The following UNC79 variants were observed in gnomAD, a reference collection of about 807,000 sequenced individuals.
UNC79 encodes unc-79 subunit of NALCN channel complex.
Under a neutral mutation model 283.1 loss-of-function variants are expected in UNC79, and 37 were observed. The ratio of observed to expected loss-of-function variants is 0.13; its 90% CI spans 0.10 to 0.17. The LOEUF (loss-of-function observed/expected upper bound fraction) is 0.17. Ranked by LOEUF, UNC79 falls within the 10% of genes least tolerant of loss-of-function variation. The pLI is 1.00. For synonymous variants in UNC79, 1,107 were observed against 1,200.2 expected, an observed-to-expected ratio of 0.92 and a Z score of 1.61; for missense variants, 2,272 against 3,211.1, an observed-to-expected ratio of 0.71 and a Z score of 7.07.
At chr14:93,686,885 C>T (rs780151638) in intron 43 of UNC79, among the ~76,000 whole-genome samples, 4 of 152,194 alleles carry the variant, frequency 2.6e-5, no homozygotes, top group Non-Finnish European at 4.4e-5. Flanking sequence ...CATAGCTTTA[C>T]TTTTGCCATA....
At chr14:93,579,375 G>T (rs149932541) in intron 18 of UNC79, among the ~76,000 whole-genome samples, 4 of 152,266 alleles carry the variant, frequency 2.6e-5, no homozygotes, top group Admixed American at 6.5e-5. Flanking sequence ...ATCAATGGAT[G>T]ACTCATCAAT....
At chr14:93,630,843 A>G (rs2067972919) in exon 31 of UNC79, 2 of 1,613,940 alleles carry the variant, frequency 1.2e-6, no homozygotes, top group South Asian at 2.2e-5. Flanking sequence ...ATGCCACGAG[A>G]ATCTTCATCT....
At chr14:93,557,622 T>A (rs1237077364) in intron 14 of UNC79, among the ~76,000 whole-genome samples, 1 of 151,930 alleles carries the variant, frequency 6.6e-6, no homozygotes, top group African/African-American at 2.4e-5. Context: ...ACCTAAACAT[T>A]TCCGCCCTCT....
intron 1 of UNC79, among the ~76,000 whole-genome samples, chr14:93,465,000 T>G (rs2057111197): frequency 6.6e-6 from 1 of 152,262 alleles, no homozygotes; most frequent in Non-Finnish European, 1.5e-5. Context: ...TGCTAAGATT[T>G]TGTTGCATTC....
chr14:93,590,162 C>T (rs1266349352), intron 22 of UNC79, among the ~76,000 whole-genome samples: 6 of 152,168 alleles, frequency 3.9e-5, no homozygotes, highest in African/African-American at 1.4e-4. Flanking sequence ...CCCGCTCTAT[C>T]CAGTAGGAAC....
At chr14:93,703,396 G>A (rs180737704) in intron 47 of UNC79, among the ~76,000 whole-genome samples, 1 of 152,296 alleles carries the variant, frequency 6.6e-6, no homozygotes, top group African/African-American at 2.4e-5. Flanking sequence ...AGCTTCTGGT[G>A]GTTTGCTGGG....
chr14:93,619,957 A>C (rs1229860164), intron 29 of UNC79, among the ~76,000 whole-genome samples: 7 of 152,238 alleles, frequency 4.6e-5, no homozygotes, highest in Non-Finnish European at 7.3e-5. Flanking sequence ...AAAAGGACGA[A>C]AGAAGAAAAT....
chr14:93,499,779 G>A (rs1164201570), intron 7 of UNC79, among the ~76,000 whole-genome samples: 1 of 152,060 alleles, frequency 6.6e-6, no homozygotes, highest in Non-Finnish European at 1.5e-5. Context: ...ATGTGGGCAA[G>A]TTTGGGAAGG....
At chr14:93,354,990 A>G (rs1253356360) in intron 1 of UNC79, among the ~76,000 whole-genome samples, 1 of 151,802 alleles carries the variant, frequency 6.6e-6, no homozygotes, top group Non-Finnish European at 1.5e-5. Flanking sequence ...AGAGATAGAC[A>G]TGGAAGCCAT....
chr14:93,669,812 G>A (rs1457859913), intron 40 of UNC79, among the ~76,000 whole-genome samples: 8 of 152,108 alleles, frequency 5.3e-5, no homozygotes, highest in African/African-American at 1.9e-4. Flanking sequence ...TTGTGCCCCC[G>A]ACACTAAACA....
chr14:93,684,866 T>C (rs1183653291), intron 42 of UNC79, among the ~76,000 whole-genome samples: 1 of 152,238 alleles, frequency 6.6e-6, no homozygotes, highest in Non-Finnish European at 1.5e-5. Flanking sequence ...GTTTTGAATA[T>C]TTTCAACTTT....
At chr14:93,670,832 A>G (rs2072770429) in intron 40 of UNC79, among the ~76,000 whole-genome samples, 1 of 152,234 alleles carries the variant, frequency 6.6e-6, no homozygotes, top group Admixed American at 6.5e-5. Flanking sequence ...CCATCAGTCA[A>G]CTTATTAGCA....
At chr14:93,632,916 A>G (rs1198911306) in intron 31 of UNC79, among the ~76,000 whole-genome samples, 4 of 152,000 alleles carry the variant, frequency 2.6e-5, no homozygotes, top group Admixed American at 6.6e-5. Context: ...CATGCATTCT[A>G]TAGCTCTTGG....
chr14:93,424,862 A>G (rs58105296), intron 1 of UNC79, among the ~76,000 whole-genome samples: 1 of 152,340 alleles, frequency 6.6e-6, no homozygotes, highest in East Asian at 1.9e-4. Flanking sequence ...AACAAGGAAT[A>G]TAATTGGATT....
rs549825195 is a variant in UNC79 at position 93,464,365 on chromosome 14, T to C, written c.23-3306T>C. The stretch of plus-strand genomic sequence containing the variant: ...TGCAGATGGCTGCCTTCTCTCTCTG[T>C]CCTCACGTGGCCTTTCCTCTGTGTT... On this transcript the variant is annotated intron_variant, in intron 1 of 48. Transcript: ENST00000555664. Among the ~76,000 whole-genome samples, 20 of 152,330 alleles carry C rather than the reference T, an allele frequency of 1.3e-4. No homozygotes were observed. The South Asian group carries it at 4.1e-3, about 32-fold the overall frequency.
intron 1 of UNC79, among the ~76,000 whole-genome samples, chr14:93,366,646 G>A (rs772971010): frequency 1.3e-5 from 2 of 150,780 alleles, no homozygotes; most frequent in African/African-American, 2.4e-5. Flanking sequence ...GATCTTGGCT[G>A]ACTGCAACCT....
intron 10 of UNC79, among the ~76,000 whole-genome samples, chr14:93,530,634 G>A (rs2060768049): frequency 6.6e-6 from 1 of 151,582 alleles, no homozygotes; most frequent in Admixed American, 6.6e-5. Flanking sequence ...AACAGGCCGG[G>A]CGCGGTGGCT....
intron 25 of UNC79, 57 bp from the exon 26 acceptor site, chr14:93,603,182 G>A (rs1443726673): frequency 3.2e-6 from 5 of 1,569,912 alleles, no homozygotes; most frequent in Middle Eastern, 1.7e-4. Context: ...TAGACTAGGT[G>A]GATTACAAAG....
chr14:93,524,170 A>G (rs2060445008), intron 8 of UNC79, 128 bp downstream of exon 8: 3 of 1,003,276 alleles, frequency 3.0e-6, no homozygotes, highest in Non-Finnish European at 4.5e-6. Flanking sequence ...AAGTACCTCC[A>G]TATTCAATCT....
Sources: allele counts gnomAD v4.1 joint callset (sites outside exome capture counted in the v4.1 genomes callset), GRCh38; gene constraint gnomAD v4.1.1; transcripts MANE v1.5; gene names NCBI Gene and HGNC (gene_info 2026-07-23, HGNC 2026-07-21).